The following PGBD5 variants were observed in gnomAD, a reference collection of about 807,000 sequenced individuals.
PGBD5 encodes piggyBac transposable element derived 5, also known as piggyBac transposable element-derived protein 5.
A neutral mutation model predicts 47.9 loss-of-function variants in PGBD5; 14 were observed. That is an observed-to-expected ratio of 0.29 (90% CI 0.19 to 0.46). PGBD5 has a LOEUF of 0.46. Among genes scored for constraint, PGBD5 ranks in the 20% least tolerant of loss-of-function variants. The pLI is 1.00. For synonymous variants in PGBD5, 316 were observed against 306.3 expected, an observed-to-expected ratio of 1.03 and a Z score of -0.33; for missense variants, 635 against 716.0, an observed-to-expected ratio of 0.89 and a Z score of 1.29.
chr1:230,369,378 C>T lies in PGBD5; in HGVS notation c.332-12057G>A, dbSNP rs114788249. Among the ~76,000 whole-genome samples the T allele has an allele frequency of 3.8e-3, 586 of 152,372 alleles. 4 individuals carry two copies. Among genetic ancestry groups the T allele is most frequent in the African/African-American group, 0.014 (566 of 41,592 alleles). On this transcript the variant is annotated intron_variant, in intron 1 of 6. Transcript: ENST00000391860. ...GGGACTGCTTGCCCTCTGCTCACCC[C>T]TCCATGACCAGGGGCATGGGCCAGG...
rs1049566004 is a variant in PGBD5 at position 230,344,576 on chromosome 1, C to T, written c.894+6382G>A. The stretch of plus-strand genomic sequence containing the variant: ...CAGCTGCCAGAATCCACAGATGAGA[C>T]TGAGGGAGGGAAGGGGCTTCCAGGT... On this transcript the variant is annotated intron_variant, in intron 3 of 6. Transcript: ENST00000391860. 3.3e-5 allele frequency among the ~76,000 whole-genome samples: 5 copies of T among 152,228 alleles called. No homozygotes were observed. In the East Asian group the frequency reaches 5.8e-4, roughly 18 times the overall value.
At chr1:230,377,634 G>T in intron 1 of PGBD5, 2 of 1,497,322 alleles carry the variant, frequency 1.3e-6, no homozygotes, top group South Asian at 2.7e-5. Flanking sequence ...CTGACCTACC[G>T]AACAGGTGCC....
intron 1 of PGBD5, among the ~76,000 whole-genome samples, chr1:230,398,353 G>C (rs935907021): frequency 9.2e-5 from 14 of 152,034 alleles, no homozygotes; most frequent in African/African-American, 3.4e-4. Flanking sequence ...TGCACAGGGC[G>C]GTCTCCATGT....
At chr1:230,348,041 C>T (rs941876358) in intron 3 of PGBD5, among the ~76,000 whole-genome samples, 3 of 152,106 alleles carry the variant, frequency 2.0e-5, no homozygotes, top group African/African-American at 4.8e-5. Flanking sequence ...AACAGGAGGG[C>T]GTGGGGCAGA....
At chr1:230,396,559 G>GCCCCCCCCCCCC (rs61206058) in intron 1 of PGBD5, among the ~76,000 whole-genome samples, 378 of 117,522 alleles carry the variant, frequency 3.2e-3, no homozygotes, top group African/African-American at 4.6e-3. Context: ...ACATTTTGTT[G>GCCCCCCCCCCCC]CCCCCCCTCC....
intron 5 of PGBD5, among the ~76,000 whole-genome samples, chr1:230,327,458 C>T (rs895559881): frequency 6.6e-6 from 1 of 152,194 alleles, no homozygotes; most frequent in South Asian, 2.1e-4. Context: ...AGCAGCATTT[C>T]GCATGGAAGA....
chr1:230,411,040 G>A (rs1289996677), intron 1 of PGBD5, among the ~76,000 whole-genome samples: 1 of 152,136 alleles, frequency 6.6e-6, no homozygotes, highest in East Asian at 1.9e-4. Context: ...ACTTTGGGAG[G>A]CTGAAGTGGG....
At chr1:230,378,581 G>A (rs759867379) in intron 1 of PGBD5, among the ~76,000 whole-genome samples, 11 of 151,932 alleles carry the variant, frequency 7.2e-5, no homozygotes, top group Non-Finnish European at 1.3e-4. Flanking sequence ...CTGAAGGAAG[G>A]TGCCACCTCT....
chr1:230,377,751 T>C (rs1211213942), intron 1 of PGBD5: 17 of 1,389,986 alleles, frequency 1.2e-5, no homozygotes, highest in Non-Finnish European at 1.6e-5. Context: ...AATGAAATAC[T>C]GTGCATAAAG....
intron 3 of PGBD5, among the ~76,000 whole-genome samples, chr1:230,345,390 T>C (rs1160655486): frequency 6.6e-6 from 1 of 152,228 alleles, no homozygotes; most frequent in Non-Finnish European, 1.5e-5. Context: ...AGTCATCATC[T>C]GTATAAATCT....
rs187593732 is a variant in PGBD5 at position 230,365,114 on chromosome 1, C to A, written c.332-7793G>T. 2.9e-3 allele frequency among the ~76,000 whole-genome samples: 435 copies of A among 151,078 alleles called. 1 individual carries two copies. The highest frequency in any genetic ancestry group is 0.01 in the African/African-American group (415 of 41,096). On this transcript the variant is annotated intron_variant, in intron 1 of 6. Coordinates refer to ENST00000391860, the MANE Select transcript of PGBD5 (RefSeq NM_001258311.2). The stretch of plus-strand genomic sequence containing the variant: ...GGACCACGAGGTCAGGATATTGAGA[C>A]CATCCTGGCTAACACGGTGAAACCC...
intron 1 of PGBD5, among the ~76,000 whole-genome samples, chr1:230,394,420 C>T (rs1018547771): frequency 2.0e-5 from 3 of 150,628 alleles, no homozygotes; most frequent in African/African-American, 7.4e-5. Context: ...TGCCCACACC[C>T]CACCTCTGCT....
chr1:230,358,188 C>A (rs896234358), intron 1 of PGBD5, among the ~76,000 whole-genome samples: 10 of 152,144 alleles, frequency 6.6e-5, no homozygotes, highest in African/African-American at 2.4e-4. Context: ...TCCTCCCTCC[C>A]CTGCAGACCC....
At chr1:230,373,426 A>G (rs1040260738) in intron 1 of PGBD5, among the ~76,000 whole-genome samples, 1 of 152,188 alleles carries the variant, frequency 6.6e-6, no homozygotes, top group Admixed American at 6.5e-5. Flanking sequence ...CTGCTGAGCG[A>G]TAACTGCCAT....
chr1:230,399,436 G>T (rs1301199370), intron 1 of PGBD5, among the ~76,000 whole-genome samples: 1 of 152,192 alleles, frequency 6.6e-6, no homozygotes, highest in Non-Finnish European at 1.5e-5. Context: ...ACAGGAGGGG[G>T]CTACCTGCAG....
intron 3 of PGBD5, among the ~76,000 whole-genome samples, chr1:230,345,119 C>CT (rs1169206060): frequency 6.6e-6 from 1 of 152,082 alleles, no homozygotes; most frequent in African/African-American, 2.4e-5. Flanking sequence ...ATTAGTGGAC[C>CT]TTTTTTTTCT....
rs542420859 is a variant in PGBD5, at chr1:230,421,372, G to C, written c.331+4226C>G. Among the ~76,000 whole-genome samples, 55 of 152,160 alleles carry C rather than the reference G, an allele frequency of 3.6e-4. No individual in the cohort carries two copies. In the South Asian group the frequency reaches 5.0e-3, roughly 14 times the overall value. On this transcript the variant is annotated intron_variant, in intron 1 of 6. Transcript: ENST00000391860. Reference sequence around the variant, plus strand: ...AAAATAAATATTTTTTACTGAAAAAGGTTCTAGTAAAAGAAAAAAAAGGCA... The same window carrying C: ...AAAATAAATATTTTTTACTGAAAAACGTTCTAGTAAAAGAAAAAAAAGGCA...
chr1:230,364,492 C>T (rs182490012), intron 1 of PGBD5, among the ~76,000 whole-genome samples: 13 of 152,332 alleles, frequency 8.5e-5, no homozygotes, highest in African/African-American at 2.4e-4. Flanking sequence ...TAGCTTCAGT[C>T]GCATAAATGT....
At position 230,314,910 on chromosome 1, in the gene PGBD5, G is replaced by A. The variant is rs1045534182; in HGVS notation, c.*8515C>T. ...GAATAGCAGTCTTTCCAGCTTCTTT[G>A]ACACGGATTTCCTCATCATCAATGG... On this transcript the variant is annotated 3_prime_UTR_variant, in exon 7 of 7. Transcript: ENST00000391860. 1 of 152,084 alleles carries A rather than the reference G, an allele frequency of 6.6e-6. No homozygotes were observed. The highest frequency in any genetic ancestry group is 1.5e-5 in the Non-Finnish European group (1 of 68,036). 9.4% of individuals were successfully genotyped at this position (152,084 alleles called of 1,614,324 possible). A position where few individuals can be genotyped will look rare whatever the true frequency, so the allele number is the denominator to read the frequency against.
Sources: allele counts gnomAD v4.1 joint callset (sites outside exome capture counted in the v4.1 genomes callset), GRCh38; gene constraint gnomAD v4.1.1; transcripts MANE v1.5; gene names NCBI Gene and HGNC (gene_info 2026-07-23, HGNC 2026-07-21).